Variants in C8orf34 observed in about 807,000 individuals in gnomAD.
C8orf34 encodes the protein uncharacterized protein C8orf34.
A neutral mutation model predicts 68.3 loss-of-function variants in C8orf34; 65 were observed. That is an observed-to-expected ratio of 0.95 (90% CI 0.78 to 1.17). C8orf34 has a LOEUF of 1.17. C8orf34 is among the 50% of genes most tolerant of loss of function. C8orf34 has a pLI of 0.00. For synonymous variants in C8orf34, 244 were observed against 241.2 expected (o/e 1.01, Z -0.11); for missense variants, 664 against 655.4 (o/e 1.01, Z -0.14).
In C8orf34 at chr8:68,712,262, A is replaced by G. The variant is rs959792974; in HGVS notation, c.1327+3183A>G. On this transcript the variant is annotated intron_variant, in intron 9 of 13. Coordinates refer to ENST00000518698, the MANE Select transcript of C8orf34 (RefSeq NM_052958.4). ...AAAGCATAAATCTCACAGGACCTGT[A>G]TAACAATAACACAATGAAAAAAAAC... Among the ~76,000 whole-genome samples, 11 of 152,170 alleles carry G rather than the reference A, an allele frequency of 7.2e-5. 1 individual carries two copies. The highest frequency in any genetic ancestry group is 6.2e-4 in the South Asian group (3 of 4,832).
At chr8:68,492,260 C>T (rs1233412699) in intron 5 of C8orf34, among the ~76,000 whole-genome samples, 4 of 152,014 alleles carry the variant, frequency 2.6e-5, no homozygotes, top group Non-Finnish European at 2.9e-5. Flanking sequence ...GATGGGGTCT[C>T]GCTTTGTCAC....
chr8:68,452,887 T>TA (rs1334763217), intron 3 of C8orf34, among the ~76,000 whole-genome samples: 1 of 151,814 alleles, frequency 6.6e-6, no homozygotes, highest in African/African-American at 2.4e-5. Flanking sequence ...TTCTAAGAGT[T>TA]ATAGTTTATG....
intron 8 of C8orf34, among the ~76,000 whole-genome samples, chr8:68,671,206 A>G (rs980651942): frequency 2.6e-5 from 4 of 152,206 alleles, no homozygotes; most frequent in African/African-American, 9.6e-5. Flanking sequence ...TTCAAACTCA[A>G]TTTGACCTTT....
At chr8:68,678,851 C>T (rs1820274145) in intron 8 of C8orf34, among the ~76,000 whole-genome samples, 1 of 125,752 alleles carries the variant, frequency 8.0e-6, no homozygotes, top group African/African-American at 2.9e-5. Flanking sequence ...AACCTAAAGA[C>T]CACAACTGAA....
At chr8:68,612,256 C>G (rs1007190058) in intron 7 of C8orf34, among the ~76,000 whole-genome samples, 2 of 152,164 alleles carry the variant, frequency 1.3e-5, no homozygotes, top group Non-Finnish European at 2.9e-5. Flanking sequence ...TATGCACTGG[C>G]TCACTCAACC....
chr8:68,665,017 A>G (rs1819795129), intron 8 of C8orf34, among the ~76,000 whole-genome samples: 2 of 152,232 alleles, frequency 1.3e-5, no homozygotes, highest in South Asian at 4.1e-4. Context: ...CAACTACATG[A>G]TACTCAAGAA....
intron 8 of C8orf34, among the ~76,000 whole-genome samples, chr8:68,655,767 AG>A (rs1819494546): frequency 6.6e-6 from 1 of 152,174 alleles, no homozygotes; most frequent in Admixed American, 6.5e-5. Context: ...GCATCTGTTT[AG>A]GGGATGGGGG....
chr8:68,559,144 A>T (rs1816343742), intron 7 of C8orf34, among the ~76,000 whole-genome samples: 1 of 152,174 alleles, frequency 6.6e-6, no homozygotes, highest in African/African-American at 2.4e-5. Context: ...GGTTGTAGGA[A>T]TGATGAAAGG....
chr8:68,604,717 G>C (rs1472521698), intron 7 of C8orf34, among the ~76,000 whole-genome samples: 1 of 151,966 alleles, frequency 6.6e-6, no homozygotes, highest in Non-Finnish European at 1.5e-5. Flanking sequence ...TTCAAAATGG[G>C]TCAGAGACCT....
chr8:68,680,899 G>A (rs1820349318), intron 8 of C8orf34, among the ~76,000 whole-genome samples: 2 of 152,020 alleles, frequency 1.3e-5, no homozygotes, highest in Non-Finnish European at 2.9e-5. Flanking sequence ...TATCTCAATG[G>A]CATAAGACAG....
chr8:68,640,954 C>T (rs11785516), intron 8 of C8orf34, among the ~76,000 whole-genome samples: 50,636 of 152,106 alleles, frequency 0.33, 9,782 homozygotes, highest in Non-Finnish European at 0.43. Context: ...ATCAGCTTGA[C>T]ACTTTCAGTT....
chr8:68,570,973 A>G (rs928762316), intron 7 of C8orf34, among the ~76,000 whole-genome samples: 20 of 152,210 alleles, frequency 1.3e-4, no homozygotes, highest in African/African-American at 4.8e-4. Context: ...CCTCTATTAA[A>G]GAAAATGGAA....
chr8:68,481,895 G>C (rs1812876201), intron 4 of C8orf34, among the ~76,000 whole-genome samples: 1 of 152,118 alleles, frequency 6.6e-6, no homozygotes, highest in Non-Finnish European at 1.5e-5. Flanking sequence ...TGGACTTTTG[G>C]GTTAATGCTG....
chr8:68,791,981 C>T (rs144886097), intron 12 of C8orf34: 23 of 152,320 alleles, frequency 1.5e-4, no homozygotes, highest in African/African-American at 4.8e-4. Flanking sequence ...TTATTCGGTT[C>T]AAACTTAAAC....
intron 7 of C8orf34, among the ~76,000 whole-genome samples, chr8:68,594,953 A>G (rs1817500652): frequency 6.6e-6 from 1 of 151,038 alleles, no homozygotes; most frequent in Non-Finnish European, 1.5e-5. Flanking sequence ...ACTTTATGGT[A>G]TTTTCTCCTA....
intron 1 of C8orf34, among the ~76,000 whole-genome samples, chr8:68,437,278 T>C (rs1222011625): frequency 6.6e-6 from 1 of 152,078 alleles, no homozygotes; most frequent in East Asian, 1.9e-4. Context: ...AAAAAAGAAA[T>C]CTAGAAACTT....
At chr8:68,484,689 T>C (rs539690677) in intron 4 of C8orf34, among the ~76,000 whole-genome samples, 12 of 152,330 alleles carry the variant, frequency 7.9e-5, no homozygotes, top group Admixed American at 1.3e-4. Flanking sequence ...AGAGATATCC[T>C]GGCCACTCAG....
At chr8:68,442,601 T>G (rs1388041697) in intron 2 of C8orf34, among the ~76,000 whole-genome samples, 6 of 152,128 alleles carry the variant, frequency 3.9e-5, no homozygotes, top group Middle Eastern at 3.4e-3. Flanking sequence ...TTTCAGGAGA[T>G]CAATATAGTG....
chr8:68,550,335 T>C (rs986223721), intron 7 of C8orf34, among the ~76,000 whole-genome samples: 5 of 151,790 alleles, frequency 3.3e-5, no homozygotes, highest in Non-Finnish European at 1.5e-5. Flanking sequence ...TAAATTATAC[T>C]ATATTGCTTC....
Sources: gnomAD v4.1 joint callset for allele counts (sites outside exome capture counted in the v4.1 genomes callset) on GRCh38, gnomAD v4.1.1 for gene constraint, MANE v1.5 for transcripts, NCBI Gene and HGNC (gene_info 2026-07-23, HGNC 2026-07-21) for gene names.